Variants in RASA4 observed in about 807,000 individuals in gnomAD.
The protein encoded by RASA4 is ras GTPase-activating protein 4.
RASA4 carries 5 observed loss-of-function variants against 24.0 expected under a neutral mutation model. That is an observed-to-expected ratio of 0.21 (90% CI 0.11 to 0.44). The LOEUF (loss-of-function observed/expected upper bound fraction) is 0.44. Ranked by LOEUF, RASA4 falls within the 20% of genes least tolerant of loss-of-function variation. The pLI is 0.99. For synonymous variants in RASA4, 9 were observed against 132.7 expected, an observed-to-expected ratio of 0.07 and a Z score of 6.41; for missense variants, 38 against 293.0, an observed-to-expected ratio of 0.13 and a Z score of 6.35.
intron 5 of RASA4, among the ~76,000 whole-genome samples, chr7:102,603,260 C>T (rs1444944500): frequency 6.0e-5 from 8 of 132,246 alleles, no homozygotes; most frequent in African/African-American, 2.2e-4. Flanking sequence ...CGCGCCTGGC[C>T]CTTTTATTCT....
At chr7:102,596,243 T>C (rs1790219854) in intron 8 of RASA4, 114 bp from the exon 9 acceptor site, 34 of 1,295,898 alleles carry the variant, frequency 2.6e-5, no homozygotes, top group Non-Finnish European at 3.6e-5. Flanking sequence ...TCTCTGCTCA[T>C]GCCCTCCATC....
chr7:102,591,856 T>G (rs200850414), intron 16 of RASA4, among the ~76,000 whole-genome samples: 9 of 148,218 alleles, frequency 6.1e-5, no homozygotes, highest in African/African-American at 2.2e-4. Flanking sequence ...TTTTTTGAGA[T>G]GGAGTCTTGC....
chr7:102,587,101 AACAACAACAAC>A (rs1789794204), intron 18 of RASA4, among the ~76,000 whole-genome samples: 3 of 10,708 alleles, frequency 2.8e-4, no homozygotes, highest in African/African-American at 5.8e-4. Context: ...AGTATCAAAC[AACAACAACAAC>A]AACAACAACA....
chr7:102,599,771 C>G (rs1384667085), intron 8 of RASA4, 89 bp downstream of exon 8: 1 of 74,584 alleles, frequency 1.3e-5, no homozygotes, highest in African/African-American at 4.6e-5. Context: ...CCCTGAGCAG[C>G]CCCCCTGCCC....
At chr7:102,590,736 T>G (rs1351524349) in intron 16 of RASA4, among the ~76,000 whole-genome samples, 2 of 145,192 alleles carry the variant, frequency 1.4e-5, no homozygotes, top group African/African-American at 5.5e-5. Context: ...AGGTTGGGAG[T>G]TCGAGACCAG....
At position 102,595,736 on chromosome 7, in the gene RASA4, AC is replaced by A; in HGVS notation, c.903del (p.Glu301AspfsTer32). 7.8e-7 allele frequency: 1 copy of A among 1,286,430 alleles called. No individual in the cohort carries two copies. The highest frequency in any genetic ancestry group is 1.1e-6 in the Non-Finnish European group (1 of 945,182). 79.7% of individuals were successfully genotyped at this position (1,286,430 alleles called of 1,614,324 possible). A position where few individuals can be genotyped will look rare whatever the true frequency, so the allele number is the denominator to read the frequency against. ...IPLIEETTST[E>X]CRQDVATNLL... ...AGGTTCGTGGCCACGTCCTGGCGAC[AC>A]TCGGTGCTGGTTGTCTCCTCGATGA... On this transcript the variant is annotated frameshift_variant, in exon 10 of 21. Coordinates refer to ENST00000262940, the MANE Select transcript of RASA4 (RefSeq NM_006989.6). LOFTEE classifies it high-confidence loss of function.
intron 8 of RASA4, among the ~76,000 whole-genome samples, chr7:102,597,730 T>C (rs1303585384): frequency 7.2e-6 from 1 of 138,876 alleles, no homozygotes; most frequent in African/African-American, 2.5e-5. Flanking sequence ...GGCTGTTTTC[T>C]TGAGACGGAG....
At chr7:102,597,813 C>A (rs1259064972) in intron 8 of RASA4, among the ~76,000 whole-genome samples, 26 of 70,272 alleles carry the variant, frequency 3.7e-4, no homozygotes, top group African/African-American at 9.9e-4. Flanking sequence ...CTCCTGGGTT[C>A]CAGCAATTAT....
intron 1 of RASA4, among the ~76,000 whole-genome samples, chr7:102,613,733 A>G (rs1468517392): frequency 2.0e-5 from 3 of 151,902 alleles, no homozygotes; most frequent in African/African-American, 7.3e-5. Flanking sequence ...GGCAGTTTCT[A>G]GGCTGTGGAA....
At chr7:102,611,956 T>G (rs1790862858) in intron 1 of RASA4, 1 of 111,284 alleles carries the variant, frequency 9.0e-6, no homozygotes. Flanking sequence ...GATAGAATGT[T>G]CCTCCTTTCT....
At chr7:102,606,044 A>C in intron 4 of RASA4, 57 bp from the exon 5 acceptor site, 1 of 1,560,534 alleles carries the variant, frequency 6.4e-7, no homozygotes, top group Non-Finnish European at 8.7e-7. Context: ...CTCCACCCTC[A>C]GCCCCACCAG....
intron 16 of RASA4, among the ~76,000 whole-genome samples, chr7:102,590,978 G>A (rs1372142430): frequency 3.4e-5 from 5 of 146,708 alleles, no homozygotes; most frequent in Non-Finnish European, 7.5e-5. Context: ...ATTAAATAAT[G>A]CCCATGTAGT....
chr7:102,602,975 T>C (rs1790426814), intron 5 of RASA4, among the ~76,000 whole-genome samples: 2 of 151,068 alleles, frequency 1.3e-5, no homozygotes, highest in Admixed American at 1.3e-4. Context: ...TTTTTTTTTT[T>C]TTTGAGACGG....
At chr7:102,599,692 G>A (rs1432933857) in intron 8 of RASA4, among the ~76,000 whole-genome samples, 168 bp downstream of exon 8, 1 of 142,932 alleles carries the variant, frequency 7.0e-6, no homozygotes, top group Non-Finnish European at 1.6e-5. Flanking sequence ...GCCCAGCCAG[G>A]ATGAGAAGGA....
At chr7:102,591,285 G>A (rs1789986524) in intron 16 of RASA4, among the ~76,000 whole-genome samples, 1 of 50,304 alleles carries the variant, frequency 2.0e-5, no homozygotes, top group Non-Finnish European at 3.6e-5. Flanking sequence ...GCAAGACCCT[G>A]TCTCAAAAAA....
chr7:102,595,231 C>T lies in RASA4; in HGVS notation c.1071+74G>A. 3.4e-6 allele frequency: 2 copies of T among 592,366 alleles called. 1 individual carries two copies. The highest frequency in any genetic ancestry group is 5.4e-6 in the Non-Finnish European group (2 of 372,808). 36.7% of individuals were successfully genotyped at this position (592,366 alleles called of 1,614,324 possible). Reference sequence around the variant, plus strand: ...AGATAGAACACTGGAGTCGAAGTCCCAGCCCCCTCTGTCGCTCTCTGAAGC... The same window carrying T: ...AGATAGAACACTGGAGTCGAAGTCCTAGCCCCCTCTGTCGCTCTCTGAAGC... On this transcript the variant is annotated intron_variant, in intron 11 of 20. Coordinates refer to ENST00000262940, the MANE Select transcript of RASA4 (RefSeq NM_006989.6).
At chr7:102,597,779 A>G (rs1790287632) in intron 8 of RASA4, among the ~76,000 whole-genome samples, 2 of 121,256 alleles carry the variant, frequency 1.6e-5, no homozygotes, top group Non-Finnish European at 3.8e-5. Context: ...CAGTGGTGGG[A>G]TCTCGGCTCA....
chr7:102,599,287 C>T (rs1333459489), intron 8 of RASA4, among the ~76,000 whole-genome samples: 26 of 9,454 alleles, frequency 2.8e-3, no homozygotes, highest in African/African-American at 7.4e-3. Context: ...AGCAAGACTC[C>T]ATCTCAAAAA....
intron 5 of RASA4, among the ~76,000 whole-genome samples, chr7:102,603,959 T>A (rs1790493559): frequency 6.6e-6 from 1 of 150,492 alleles, no homozygotes; most frequent in South Asian, 2.1e-4. Flanking sequence ...GGTCAGGAGT[T>A]TGAGACCAGC....
Sources: gnomAD v4.1 joint callset for allele counts (sites outside exome capture counted in the v4.1 genomes callset) on GRCh38, gnomAD v4.1.1 for gene constraint, MANE v1.5 for transcripts, NCBI Gene and HGNC (gene_info 2026-07-23, HGNC 2026-07-21) for gene names.